ZNF69: variants seen among roughly 807,000 people sequenced by gnomAD.
ZNF69 encodes zinc finger protein 69, also known as ZNF3.
In ZNF69, 47 loss-of-function variants were observed where a neutral mutation model predicts 50.9. The observed-to-expected ratio is 0.92, with a 90% CI of 0.73 to 1.18. The LOEUF (loss-of-function observed/expected upper bound fraction) is 1.18, where lower values mean the gene tolerates loss of function less well. ZNF69 is among the 50% of genes most tolerant of loss of function. ZNF69 has a pLI of 0.00. For synonymous variants in ZNF69, 216 were observed against 223.1 expected, an observed-to-expected ratio of 0.97 and a Z score of 0.29; for missense variants, 717 against 675.1, an observed-to-expected ratio of 1.06 and a Z score of -0.69.
chr19:11,942,418 A>G, the ZNF69 span, among the ~76,000 whole-genome samples: 8 of 152,036 alleles, frequency 5.3e-5, no homozygotes, highest in Non-Finnish European at 1.2e-4. Context: ...GTCCAAAGAG[A>G]CATTAGGGAC....
the ZNF69 span, chr19:11,925,124 C>A: frequency 1.3e-6 from 2 of 1,525,702 alleles, no homozygotes; most frequent in African/African-American, 2.8e-5. Flanking sequence ...TTCCTCGCTG[C>A]GCGGGCGGCG....
chr19:11,947,508 T>C, the ZNF69 span: 3 of 1,611,976 alleles, frequency 1.9e-6, no homozygotes, highest in Non-Finnish European at 2.5e-6. Context: ...TGTGTCTGTA[T>C]TTTAGGAAAA....
the ZNF69 span, among the ~76,000 whole-genome samples, chr19:11,927,103 A>G: frequency 6.6e-6 from 1 of 152,180 alleles, no homozygotes. Context: ...CTGTAATCCA[A>G]GCACTTTGGG....
the ZNF69 span, among the ~76,000 whole-genome samples, chr19:11,967,228 T>C: frequency 2.6e-5 from 4 of 152,110 alleles, no homozygotes; most frequent in Non-Finnish European, 1.5e-5. Flanking sequence ...CGCAGGTACT[T>C]GGGAGGCTTA....
chr19:11,947,356 T>G, the ZNF69 span: 2 of 1,611,616 alleles, frequency 1.2e-6, no homozygotes, highest in East Asian at 4.5e-5. Flanking sequence ...AACCAGTGTT[T>G]CTAGCTCATG....
chr19:11,946,846 A>G, the ZNF69 span: 1 of 231,864 alleles, frequency 4.3e-6, no homozygotes, highest in African/African-American at 2.3e-5. Context: ...GGGAAAGGGT[A>G]AAGGTCACTC....
At chr19:11,923,058 C>T in the ZNF69 span, among the ~76,000 whole-genome samples, 2 of 152,156 alleles carry the variant, frequency 1.3e-5, no homozygotes, top group African/African-American at 4.8e-5. Flanking sequence ...TTCAAGTGAT[C>T]CTGCCACTTT....
Position 11,906,039 on chromosome 19 carries a change from G to C in ZNF69, c.1642G>C (p.Val548Leu), listed in dbSNP as rs202060545. The C allele has an allele frequency of 1.2e-4, 197 of 1,613,048 alleles. 2 individuals are homozygous for C. In the Middle Eastern group the frequency reaches 2.5e-3, roughly 20 times the overall value. ...QCGKAFRAASVLRMHGRTHPE... is the reference protein window; with the variant it reads ...QCGKAFRAASLLRMHGRTHPE... ...TGGGAAAGCCTTCAGAGCTGCCTCA[G>C]TCCTTCGAATGCATGGTAGGACTCA... The change falls in exon 4 of 4, where the codon GTC (valine) becomes CTC (leucine). Residue 548 changes from valine (V) to leucine (L), a missense_variant. Val to Leu is a conservative substitution (Grantham distance 32). Transcript: ENST00000429654.
At chr19:11,932,760 C>A in the ZNF69 span, among the ~76,000 whole-genome samples, 2 of 146,390 alleles carry the variant, frequency 1.4e-5, no homozygotes, top group South Asian at 4.2e-4. Flanking sequence ...GTCTCAGCCT[C>A]CCAAGTAGCT....
chr19:11,949,736 A>G, the ZNF69 span: 4 of 1,614,044 alleles, frequency 2.5e-6, no homozygotes, highest in Non-Finnish European at 3.4e-6. Context: ...CAATGTGGGA[A>G]AGCCTTCAGA....
chr19:11,913,631 C>T (rs1362596517), exon 5 of ZNF69: 5 of 294,894 alleles, frequency 1.7e-5, no homozygotes, highest in Admixed American at 1.5e-4. Flanking sequence ...CCTCATGATT[C>T]GCCTGCCTCG....
intron 1 of ZNF69, among the ~76,000 whole-genome samples, chr19:11,894,162 C>T (rs753114885): frequency 1.6e-4 from 24 of 152,198 alleles, no homozygotes; most frequent in Non-Finnish European, 2.6e-4. Flanking sequence ...TTTCATCTAT[C>T]CTAAAAACAG....
the ZNF69 span, among the ~76,000 whole-genome samples, chr19:11,934,595 C>G: frequency 6.8e-6 from 1 of 147,410 alleles, no homozygotes; most frequent in Non-Finnish European, 1.5e-5. Context: ...GGCGCAATCT[C>G]AGCTCACTGC....
chr19:11,930,977 CA>C, the ZNF69 span, among the ~76,000 whole-genome samples: 64 of 136,378 alleles, frequency 4.7e-4, 2 homozygotes, highest in Middle Eastern at 0.014. Flanking sequence ...CTAGCCAGGG[CA>C]ACAAGAACAA....
the ZNF69 span, chr19:11,976,796 A>G: frequency 2.6e-6 from 3 of 1,162,680 alleles, no homozygotes; most frequent in Non-Finnish European, 2.2e-6. Context: ...AACCCCGGTC[A>G]TGAGCCAAGA....
In ZNF69 at chr19:11,903,575, C is replaced by T; in HGVS notation, c.66C>T (p.Asp22=). 6.2e-7 allele frequency: 1 copy of T among 1,614,110 alleles called. No homozygotes were observed. The highest frequency in any genetic ancestry group is 8.5e-7 in the Non-Finnish European group (1 of 1,179,996). ...TCTACACATGTGAGATGTTTCAGGACCCAGTGGCCTTTGATGATGTTGCTG... is the reference window on the plus strand; with the variant it reads ...TCTACACATGTGAGATGTTTCAGGATCCAGTGGCCTTTGATGATGTTGCTG... ...DPGTSESQEM[D]PVAFDDVAVN... is the part of the protein sequence containing the mutation. Residue 22 remains aspartate (D), a splice_region_variant and synonymous_variant, in exon 2 of 4, where the codon GAC becomes GAT. Coordinates refer to ENST00000429654, the MANE Select transcript of ZNF69 (RefSeq NM_001364730.1).
At position 11,898,342 on chromosome 19, in the gene ZNF69, CAG is replaced by C. The variant is rs1972171262; in HGVS notation, c.64-5228_64-5227del. ...CCCAAAACATTGAGCAGATAATCCA[CAG>C]AGTTCCCGCAGTTTTCTTCCAGGCT... is the stretch of plus-strand genomic sequence containing the variant. On this transcript the variant is annotated intron_variant, in intron 1 of 3. Transcript: ENST00000429654. Among the ~76,000 whole-genome samples, 4 of 149,432 alleles carry C rather than the reference CAG, an allele frequency of 2.7e-5. No individual in the cohort carries two copies. In the East Asian group the frequency reaches 7.9e-4, roughly 29 times the overall value.
chr19:11,946,988 C>CA, the ZNF69 span: 5 of 1,085,020 alleles, frequency 4.6e-6, no homozygotes, highest in South Asian at 4.3e-5. Context: ...AACTCTGTCT[C>CA]AAAAAATAAA....
chr19:11,917,765 G>A (rs2145260184), downstream of ZNF69, among the ~76,000 whole-genome samples: 1 of 147,364 alleles, frequency 6.8e-6, no homozygotes, highest in East Asian at 2.0e-4. Flanking sequence ...AGCCGGGACT[G>A]CTGGCACAAG....
Sources: gnomAD v4.1 joint callset for allele counts (sites outside exome capture counted in the v4.1 genomes callset) on GRCh38, gnomAD v4.1.1 for gene constraint, MANE v1.5 for transcripts, NCBI Gene and HGNC (gene_info 2026-07-23, HGNC 2026-07-21) for gene names.